WDPCP: variants seen among roughly 807,000 people sequenced by gnomAD.
WDPCP encodes the protein WD repeat containing planar cell polarity effector, also known as WD repeat-containing and planar cell polarity effector protein fritz homolog.
WDPCP carries 71 observed loss-of-function variants against 93.1 expected under a neutral mutation model. That is an observed-to-expected ratio of 0.76 (90% CI 0.63 to 0.93). WDPCP has a LOEUF of 0.93. Among genes scored for constraint, WDPCP ranks in the 40% least tolerant of loss-of-function variants. The probability of loss-of-function intolerance (pLI) is 0.00; values close to 1 mark genes in which losing one functional copy is unlikely to be tolerated. For synonymous variants in WDPCP, 315 were observed against 315.0 expected (o/e 1.00, Z 0.00); for missense variants, 844 against 887.4 (o/e 0.95, Z 0.62).
intron 12 of WDPCP, among the ~76,000 whole-genome samples, chr2:63,376,285 C>A (rs1691846770): frequency 6.6e-6 from 1 of 151,438 alleles, no homozygotes; most frequent in South Asian, 2.1e-4. Flanking sequence ...GCTAGTATGC[C>A]CCAAGGGAAA....
At chr2:63,746,845 C>T (rs1294918746) in intron 2 of WDPCP, among the ~76,000 whole-genome samples, 1 of 152,128 alleles carries the variant, frequency 6.6e-6, no homozygotes, top group Non-Finnish European at 1.5e-5. Flanking sequence ...CTTGTGATCT[C>T]GCCCTGACAT....
intron 6 of WDPCP, among the ~76,000 whole-genome samples, chr2:63,462,493 G>A (rs1018764000): frequency 2.6e-5 from 4 of 151,966 alleles, no homozygotes; most frequent in Non-Finnish European, 4.4e-5. Context: ...AGAACTTAAT[G>A]TATAATAAAA....
chr2:63,826,371 C>A (rs1173472982), intron 1 of WDPCP, among the ~76,000 whole-genome samples: 2 of 151,400 alleles, frequency 1.3e-5, no homozygotes, highest in Non-Finnish European at 3.0e-5. Context: ...AGGCTCTTAT[C>A]TTCTGACTTA....
At chr2:63,777,099 G>A (rs1050444760) in intron 2 of WDPCP, among the ~76,000 whole-genome samples, 4 of 152,060 alleles carry the variant, frequency 2.6e-5, no homozygotes, top group African/African-American at 9.7e-5. Flanking sequence ...AATGACAAAT[G>A]TTTGATGTGA....
At chr2:63,410,484 A>C (rs1694943823) in intron 9 of WDPCP, among the ~76,000 whole-genome samples, 1 of 152,180 alleles carries the variant, frequency 6.6e-6, no homozygotes, top group African/African-American at 2.4e-5. Flanking sequence ...AATAAACAAA[A>C]AACCAAAAGT....
intron 12 of WDPCP, among the ~76,000 whole-genome samples, chr2:63,377,526 A>T (rs1030238023): frequency 5.3e-5 from 8 of 150,978 alleles, no homozygotes; most frequent in African/African-American, 1.7e-4. Flanking sequence ...TTTTATTTTT[A>T]ATAATTTAAT....
At chr2:63,498,888 G>C (rs1389379688) in intron 1 of WDPCP, among the ~76,000 whole-genome samples, 1 of 152,202 alleles carries the variant, frequency 6.6e-6, no homozygotes, top group African/African-American at 2.4e-5. Flanking sequence ...ATGAGCAGAA[G>C]ACTGCAAAGA....
chr2:63,709,057 C>CA (rs953764802), intron 2 of WDPCP, among the ~76,000 whole-genome samples: 402 of 12,074 alleles, frequency 0.033, 12 homozygotes, highest in East Asian at 0.096. Context: ...CCTGTCTCTA[C>CA]AAAAAAAAAA....
At chr2:63,167,296 C>T (rs1342142647) in intron 15 of WDPCP, among the ~76,000 whole-genome samples, 2 of 152,064 alleles carry the variant, frequency 1.3e-5, no homozygotes, top group East Asian at 1.9e-4. Flanking sequence ...CTGGTTTTAT[C>T]TTTATTATTT....
At chr2:63,643,274 T>C (rs1710003462) in intron 3 of WDPCP, 3 of 351,894 alleles carry the variant, frequency 8.5e-6, no homozygotes, top group Non-Finnish European at 1.6e-5. Context: ...TTTCACCCAC[T>C]TCTCTGTTTG....
In WDPCP at chr2:63,189,501, T is replaced by TTA. The variant is rs1674880944; in HGVS notation, c.1916-14670_1916-14669insTA. Reference sequence around the variant, plus strand: ...TTGTCTCCATAGAAAAATGAGGGCCTGGAGCTTCCTAATCTGCCATCTTGC... The same window carrying TTA: ...TTGTCTCCATAGAAAAATGAGGGCCTTAGGAGCTTCCTAATCTGCCATCTTGC... On this transcript the variant is annotated intron_variant, in intron 14 of 17. Coordinates refer to ENST00000272321, the MANE Select transcript of WDPCP (RefSeq NM_015910.7). Among the ~76,000 whole-genome samples, 3 of 152,200 alleles carry TTA rather than the reference T, an allele frequency of 2.0e-5. No homozygotes were observed. In the South Asian group the frequency reaches 6.2e-4, roughly 32 times the overall value.
chr2:63,223,817 A>G (rs1678045528), intron 14 of WDPCP, among the ~76,000 whole-genome samples: 1 of 152,080 alleles, frequency 6.6e-6, no homozygotes, highest in Admixed American at 6.6e-5. Context: ...TCTGCACTAC[A>G]GTGTCACCTT....
chr2:63,167,173 A>G (rs950735713), intron 15 of WDPCP, among the ~76,000 whole-genome samples: 2 of 152,226 alleles, frequency 1.3e-5, no homozygotes, highest in African/African-American at 4.8e-5. Context: ...TTTTCGTGCT[A>G]CAACAGAGTT....
rs188890467 is a variant in WDPCP, at chr2:63,277,000, G to A, written c.1813-17591C>T. On this transcript the variant is annotated intron_variant, in intron 13 of 17. Coordinates refer to ENST00000272321, the MANE Select transcript of WDPCP (RefSeq NM_015910.7). Reference sequence around the variant, plus strand: ...GCAAAGGCATGAGGTAACCTATAAAGGAAAACCTATCAGAGTAACGCATAT... The same window carrying A: ...GCAAAGGCATGAGGTAACCTATAAAAGAAAACCTATCAGAGTAACGCATAT... Among the ~76,000 whole-genome samples, 16 of 152,260 alleles carry A rather than the reference G, an allele frequency of 1.1e-4. 1 individual carries two copies. The highest frequency in any genetic ancestry group is 1.0e-3 in the Admixed American group (16 of 15,288).
At chr2:63,379,935 TA>T (rs1692161387) in intron 11 of WDPCP, among the ~76,000 whole-genome samples, 1 of 152,180 alleles carries the variant, frequency 6.6e-6, no homozygotes, top group South Asian at 2.1e-4. Context: ...AATTTTATTT[TA>T]ATAGCCTAGT....
chr2:63,179,790 A>G (rs1674096881), intron 14 of WDPCP, among the ~76,000 whole-genome samples: 1 of 151,838 alleles, frequency 6.6e-6, no homozygotes, highest in Admixed American at 6.6e-5. Context: ...CTTAATTTTC[A>G]TGTATTTGTG....
chr2:63,713,440 C>T (rs1291221606), intron 2 of WDPCP, among the ~76,000 whole-genome samples: 2 of 152,204 alleles, frequency 1.3e-5, no homozygotes. Context: ...TCCACTACAT[C>T]TTCAATAGCA....
In WDPCP at chr2:63,605,536, G is replaced by T. The variant is rs1298798474; in HGVS notation, n.488+45123C>A. ...TGCCTATTAACAAGTAAACTTCGGG[G>T]TTTGTTAGCCTTGACCTTTCTGAGC... On this transcript the variant is annotated intron_variant and non_coding_transcript_variant, in intron 3 of 4. Coordinates refer to the WDPCP transcript ENST00000467687. 4.6e-6 allele frequency: 3 copies of T among 654,596 alleles called. No homozygotes were observed. The East Asian group carries it at 8.2e-5, about 18-fold the overall frequency. 40.5% of individuals were successfully genotyped at this position (654,596 alleles called of 1,614,324 possible).
chr2:63,228,016 T>A (rs1394628059), intron 14 of WDPCP, among the ~76,000 whole-genome samples: 1 of 152,116 alleles, frequency 6.6e-6, no homozygotes, highest in African/African-American at 2.4e-5. Flanking sequence ...TTGTATCATT[T>A]AATAGTCAAA....
Sources: allele counts gnomAD v4.1 joint callset (sites outside exome capture counted in the v4.1 genomes callset), GRCh38; gene constraint gnomAD v4.1.1; transcripts MANE v1.5; gene names NCBI Gene and HGNC (gene_info 2026-07-23, HGNC 2026-07-21).